PCDHGA10: variants seen among roughly 807,000 people sequenced by gnomAD.
PCDHGA10 encodes the protein protocadherin gamma-A10.
PCDHGA10 carries 42 observed loss-of-function variants against 59.5 expected under a neutral mutation model. The ratio of observed to expected loss-of-function variants is 0.71; its 90% CI spans 0.55 to 0.91. The LOEUF (loss-of-function observed/expected upper bound fraction) is 0.91. Ranked by LOEUF, PCDHGA10 falls within the 40% of genes least tolerant of loss-of-function variation. The pLI, the probability that PCDHGA10 is intolerant of heterozygous loss-of-function variation, is 0.00. For missense variants in PCDHGA10, 1,111 were observed against 1,198.2 expected, an observed-to-expected ratio of 0.93 and a Z score of 1.07; for synonymous variants, 511 against 517.2, an observed-to-expected ratio of 0.99 and a Z score of 0.16.
Position 141,490,179 on chromosome 5 carries a change from A to G in PCDHGA10, c.2437-4628A>G. On this transcript the variant is annotated intron_variant, in intron 1 of 3. Transcript: ENST00000398610. This position sits in a 1 kb window ranked among gnomAD's most constrained non-coding sequence, Gnocchi z 5.4. Reference sequence around the variant, plus strand: ...TGGGTCCCATAGACTTTGAGGAGTCACGTTTCTATGAAATTCATGCAAGAG... The same window carrying G: ...TGGGTCCCATAGACTTTGAGGAGTCGCGTTTCTATGAAATTCATGCAAGAG... 1 of 1,614,202 alleles carries G rather than the reference A, an allele frequency of 6.2e-7. No individual in the cohort carries two copies. Among genetic ancestry groups the G allele is most frequent in the East Asian group, 2.2e-5 (1 of 44,882 alleles).
intron 1 of PCDHGA10, chr5:141,433,041 C>G (rs1171788078): frequency 6.2e-7 from 1 of 1,614,036 alleles, no homozygotes; most frequent in Non-Finnish European, 8.5e-7. Flanking sequence ...TCCCTCACCA[C>G]GGACTCGCGG....
At position 141,431,578 on chromosome 5, in the gene PCDHGA10, C is replaced by T. The variant is rs756332070; in HGVS notation, c.2436+15967C>T. 6.2e-7 allele frequency: 1 copy of T among 1,614,164 alleles called. No homozygotes were observed. On this transcript the variant is annotated intron_variant, in intron 1 of 3. Coordinates refer to ENST00000398610, the MANE Select transcript of PCDHGA10 (RefSeq NM_018913.3). This position sits in a 1 kb window ranked among gnomAD's most constrained non-coding sequence, Gnocchi z 4.8. ...ACGCTACCGACCCTGACGAAGGAGT[C>T]AATGCGGAAGTGAGGTATTCCTTCC...
Position 141,486,998 on chromosome 5 carries a change from C to G in PCDHGA10, c.2437-7809C>G, listed in dbSNP as rs754609128. On this transcript the variant is annotated intron_variant, in intron 1 of 3. Coordinates refer to ENST00000398610, the MANE Select transcript of PCDHGA10 (RefSeq NM_018913.3). The surrounding 1 kb of genome is among the most constrained non-coding windows in gnomAD (Gnocchi z 5.0). ...AGGTTACAATGCTTGGGTTTCCTAT[C>G]AGCTCCTGGAGGCCCCAGATCCCAG... The G allele has an allele frequency of 6.2e-7, 1 of 1,614,206 alleles. No homozygotes were observed. Among genetic ancestry groups the G allele is most frequent in the Non-Finnish European group, 8.5e-7 (1 of 1,180,034 alleles).
chr5:141,423,755 G>GC (rs542747697), intron 1 of PCDHGA10: 5,773 of 512,484 alleles, frequency 0.011, 63 homozygotes, highest in Non-Finnish European at 0.014. Context: ...CTGTTTGGGG[G>GC]GGGGGTGGGG....
chr5:141,455,006 G>A (rs1194194759), intron 1 of PCDHGA10, among the ~76,000 whole-genome samples: 2 of 150,910 alleles, frequency 1.3e-5, no homozygotes, highest in Non-Finnish European at 3.0e-5. Flanking sequence ...TAGAGACGGG[G>A]TTTCACCGTG....
rs1316659737 is a variant in PCDHGA10 at position 141,490,964 on chromosome 5, C to T, written c.2437-3843C>T. ...CCACGGCCAGACTGGGAACACTCAG[C>T]CCCCCAGCGTCTCCCTCGCTCTGCT... On this transcript the variant is annotated intron_variant, in intron 1 of 3. Transcript: ENST00000398610. The surrounding 1 kb of genome is among the most constrained non-coding windows in gnomAD (Gnocchi z 5.4). 2.5e-6 allele frequency: 4 copies of T among 1,613,608 alleles called. No homozygotes were observed. Among genetic ancestry groups the T allele is most frequent in the East Asian group, 2.2e-5 (1 of 44,882 alleles).
Position 141,476,990 on chromosome 5 carries a change from C to T in PCDHGA10, c.2437-17817C>T, listed in dbSNP as rs2099402882. ...CGGCAGCCACAACCGCGCCGGCGTGCGGCAACTATTCGCCTTAGACCTTGT... is the reference window on the plus strand; with the variant it reads ...CGGCAGCCACAACCGCGCCGGCGTGTGGCAACTATTCGCCTTAGACCTTGT... On this transcript the variant is annotated intron_variant, in intron 1 of 3. Coordinates refer to ENST00000398610, the MANE Select transcript of PCDHGA10 (RefSeq NM_018913.3). The surrounding 1 kb of genome is among the most constrained non-coding windows in gnomAD (Gnocchi z 7.6). 6.2e-7 allele frequency: 1 copy of T among 1,614,220 alleles called. No individual in the cohort carries two copies. The highest frequency in any genetic ancestry group is 8.5e-7 in the Non-Finnish European group (1 of 1,180,046).
chr5:141,468,360 A>T (rs1249822461), intron 1 of PCDHGA10: 1 of 151,938 alleles, frequency 6.6e-6, no homozygotes, highest in East Asian at 1.9e-4. Flanking sequence ...GAAAGAAAAA[A>T]GAAATAACTC....
At chr5:141,494,181 C>T (rs2099752517) in intron 1 of PCDHGA10, among the ~76,000 whole-genome samples, 1 of 152,136 alleles carries the variant, frequency 6.6e-6, no homozygotes, top group Non-Finnish European at 1.5e-5. Flanking sequence ...GAGAAGTGTC[C>T]CGGGACTTGG....
intron 1 of PCDHGA10, chr5:141,427,797 G>T: frequency 6.6e-7 from 1 of 1,505,306 alleles, no homozygotes; most frequent in Non-Finnish European, 9.1e-7. Flanking sequence ...CTACGTGTCC[G>T]TGAGCGCACA....
At chr5:141,467,643 C>G (rs2099147861) in intron 1 of PCDHGA10, among the ~76,000 whole-genome samples, 1 of 152,112 alleles carries the variant, frequency 6.6e-6, no homozygotes, top group Non-Finnish European at 1.5e-5. Flanking sequence ...TTATCATGTA[C>G]CAAACTTCTA....
At chr5:141,415,746 T>G (rs766611858) in intron 1 of PCDHGA10, 135 bp downstream of exon 1, 17 of 662,556 alleles carry the variant, frequency 2.6e-5, no homozygotes, top group East Asian at 1.1e-4. Context: ...TAAGGTTTTT[T>G]TTTTTTTTTT....
At chr5:141,418,874 G>A (rs2096295785) in intron 1 of PCDHGA10, 1 of 1,614,024 alleles carries the variant, frequency 6.2e-7, no homozygotes, top group East Asian at 2.2e-5. Context: ...AGAAGTTGTA[G>A]ACGAAAACGA....
chr5:141,423,805 G>GT (rs1384575574), intron 1 of PCDHGA10: 44 of 1,261,806 alleles, frequency 3.5e-5, no homozygotes, highest in South Asian at 8.9e-5. Context: ...AGCAATACAT[G>GT]TGAGTTTTAC....
rs2099750571 is a variant in PCDHGA10, at chr5:141,493,878, T to A, written c.2437-929T>A. On this transcript the variant is annotated intron_variant, in intron 1 of 3. Coordinates refer to ENST00000398610, the MANE Select transcript of PCDHGA10 (RefSeq NM_018913.3). This position sits in a 1 kb window ranked among gnomAD's most constrained non-coding sequence, Gnocchi z 4.3. ...GCCCACCCCAGAACCAGTGAGGAGG[T>A]GGCTCTAGGAGTGCTCCATGAGAGT... is the stretch of plus-strand genomic sequence containing the variant. 6.6e-6 allele frequency among the ~76,000 whole-genome samples: 1 copy of A among 152,072 alleles called. No homozygotes were observed. The highest frequency in any genetic ancestry group is 6.6e-5 in the Admixed American group (1 of 15,264).
In PCDHGA10 at chr5:141,414,096, A is replaced by G. The variant is rs2095708665; in HGVS notation, c.921A>G (p.Ile307Met). Residue 307 changes from isoleucine (I) to methionine (M), a missense_variant, in exon 1 of 4, where the codon ATA (isoleucine) becomes ATG (methionine). Coordinates refer to ENST00000398610, the MANE Select transcript of PCDHGA10 (RefSeq NM_018913.3). The part of the protein sequence containing the change: ...QLNKYTGEIK[I>M]SENLDYEETG... Reference sequence around the variant, plus strand: ...ACAAATATACTGGAGAAATAAAAATATCAGAAAATCTAGATTATGAAGAAA... The same window carrying G: ...ACAAATATACTGGAGAAATAAAAATGTCAGAAAATCTAGATTATGAAGAAA... 3 of 1,595,210 alleles carry G rather than the reference A, an allele frequency of 1.9e-6. No individual in the cohort carries two copies. Among genetic ancestry groups the G allele is most frequent in the Middle Eastern group, 3.3e-4 (2 of 6,040 alleles).
In PCDHGA10 at chr5:141,477,605, T is replaced by A. The variant is rs1339408637; in HGVS notation, c.2437-17202T>A. On this transcript the variant is annotated intron_variant, in intron 1 of 3. Transcript: ENST00000398610. This position sits in a 1 kb window ranked among gnomAD's most constrained non-coding sequence, Gnocchi z 4.9. ...GAATGCTCGGCTTTCTTTCTTTCTCTTGGAGCAAGGAGCTGAAACCGGGCT... is the reference window on the plus strand; with the variant it reads ...GAATGCTCGGCTTTCTTTCTTTCTCATGGAGCAAGGAGCTGAAACCGGGCT... The A allele has an allele frequency of 6.2e-6, 10 of 1,614,102 alleles. No individual in the cohort carries two copies. In the South Asian group the frequency reaches 1.1e-4, roughly 18 times the overall value.
chr5:141,491,712 G>A lies in PCDHGA10; in HGVS notation c.2437-3095G>A, dbSNP rs932849130. On this transcript the variant is annotated intron_variant, in intron 1 of 3. Coordinates refer to ENST00000398610, the MANE Select transcript of PCDHGA10 (RefSeq NM_018913.3). The surrounding 1 kb of genome is among the most constrained non-coding windows in gnomAD (Gnocchi z 6.9). Reference sequence around the variant, plus strand: ...GGGAGCGGAGCCAGGTGAGGGGCTCGGCGCCGCCCCGGGCGACCCCTGGGG... The same window carrying A: ...GGGAGCGGAGCCAGGTGAGGGGCTCAGCGCCGCCCCGGGCGACCCCTGGGG... The A allele has an allele frequency of 1.2e-6, 2 of 1,609,290 alleles. No homozygotes were observed. Among genetic ancestry groups the A allele is most frequent in the East Asian group, 2.2e-5 (1 of 44,760 alleles).
At chr5:141,421,363 G>T (rs749916401) in intron 1 of PCDHGA10, 2 of 1,613,898 alleles carry the variant, frequency 1.2e-6, no homozygotes, top group South Asian at 2.2e-5. Flanking sequence ...GGGCTCCTTC[G>T]TGGGCAATAT....
Sources: allele counts gnomAD v4.1 joint callset (sites outside exome capture counted in the v4.1 genomes callset), GRCh38; gene constraint gnomAD v4.1.1; non-coding constraint Gnocchi (gnomAD v3.1); transcripts MANE v1.5; gene names NCBI Gene and HGNC (gene_info 2026-07-23, HGNC 2026-07-21).